The following MICU3 variants were observed in gnomAD, a reference collection of about 807,000 sequenced individuals.
MICU3 encodes mitochondrial calcium uptake 3.
MICU3 carries 62 observed loss-of-function variants against 66.5 expected under a neutral mutation model. The ratio of observed to expected loss-of-function variants is 0.93; its 90% CI spans 0.76 to 1.15. The LOEUF (loss-of-function observed/expected upper bound fraction) is 1.15, where lower values mean the gene tolerates loss of function less well. Ranked by LOEUF, MICU3 falls within the 50% of genes most tolerant of loss-of-function variation. The pLI is 0.00. For synonymous variants in MICU3, 308 were observed against 240.7 expected, an observed-to-expected ratio of 1.28 and a Z score of -2.59; for missense variants, 779 against 664.4, an observed-to-expected ratio of 1.17 and a Z score of -1.90.
chr8:17,137,208 C>T, the MICU3 span, among the ~76,000 whole-genome samples: 1 of 151,830 alleles, frequency 6.6e-6, no homozygotes, highest in Non-Finnish European at 1.5e-5. Flanking sequence ...GCCTATGTAC[C>T]CCTATCTAAG....
At chr8:17,113,442 T>C (rs1802389612) in intron 11 of MICU3, among the ~76,000 whole-genome samples, 1 of 152,230 alleles carries the variant, frequency 6.6e-6, no homozygotes, top group Admixed American at 6.5e-5. Context: ...TTTATACACA[T>C]GACATTCCAG....
At chr8:17,123,780 T>C (rs574809800), downstream of MICU3, among the ~76,000 whole-genome samples, 21 of 152,212 alleles carry the variant, frequency 1.4e-4, no homozygotes, top group South Asian at 4.1e-3. Flanking sequence ...GGTCCACTTA[T>C]GTTTATATGA....
At chr8:17,106,332 T>C (rs1801731951) in intron 11 of MICU3, among the ~76,000 whole-genome samples, 1 of 151,892 alleles carries the variant, frequency 6.6e-6, no homozygotes, top group Admixed American at 6.6e-5. Flanking sequence ...CAATTTTCCA[T>C]TTCCCCTAAG....
At chr8:17,135,814 A>C in the MICU3 span, among the ~76,000 whole-genome samples, 2 of 152,118 alleles carry the variant, frequency 1.3e-5, no homozygotes, top group African/African-American at 4.8e-5. Context: ...AATCATCTCA[A>C]ATGCCTTTCA....
downstream of MICU3, among the ~76,000 whole-genome samples, chr8:17,125,952 C>T (rs1803394067): frequency 6.6e-6 from 1 of 151,086 alleles, no homozygotes; most frequent in African/African-American, 2.4e-5. Flanking sequence ...ATCACTTGAA[C>T]CTGGGAGGTG....
Position 17,027,314 on chromosome 8 carries a change from C to A in MICU3, c.35C>A (p.Pro12His). The A allele has an allele frequency of 6.6e-7, 1 of 1,507,354 alleles. No homozygotes were observed. 93.4% of individuals were successfully genotyped at this position (1,507,354 alleles called of 1,614,324 possible). ...CTGCGAAGGCTCTTGTGGCCGCCACCCCGGGTGTCTCCTCCACTCTGCGCT... is the reference window on the plus strand; with the variant it reads ...CTGCGAAGGCTCTTGTGGCCGCCACACCGGGTGTCTCCTCCACTCTGCGCT... The part of the protein sequence containing the change: ...AALRRLLWPP[P>H]RVSPPLCAHQ... Residue 12 changes from proline to histidine, a missense_variant, in exon 1 of 15, where the codon CCC becomes CAC. Coordinates refer to ENST00000318063, the MANE Select transcript of MICU3 (RefSeq NM_181723.3).
At chr8:17,083,613 A>C (rs1454347752) in intron 5 of MICU3, among the ~76,000 whole-genome samples, 5 of 152,110 alleles carry the variant, frequency 3.3e-5, no homozygotes, top group Non-Finnish European at 5.9e-5. Context: ...TCTCCATTAT[A>C]ATTTTGCAAT....
intron 1 of MICU3, among the ~76,000 whole-genome samples, chr8:17,045,655 T>C (rs1458062539): frequency 6.6e-6 from 1 of 152,192 alleles, no homozygotes; most frequent in Non-Finnish European, 1.5e-5. Context: ...CCATACTCTA[T>C]CCTACACATC....
At chr8:17,089,009 C>T (rs1230159518) in intron 7 of MICU3, among the ~76,000 whole-genome samples, 1 of 151,784 alleles carries the variant, frequency 6.6e-6, no homozygotes, top group African/African-American at 2.4e-5. Flanking sequence ...GAACCATTCC[C>T]TTTCAAATAT....
intron 1 of MICU3, among the ~76,000 whole-genome samples, chr8:17,048,145 C>T (rs548790414): frequency 2.2e-4 from 33 of 151,912 alleles, no homozygotes; most frequent in East Asian, 5.8e-4. Flanking sequence ...TTTCGATGTT[C>T]GAAACAAGAT....
chr8:17,038,281 T>G (rs1326161032), intron 1 of MICU3, among the ~76,000 whole-genome samples: 1 of 152,112 alleles, frequency 6.6e-6, no homozygotes, highest in African/African-American at 2.4e-5. Flanking sequence ...GGGAGATAAT[T>G]GAATCGTGGG....
intron 6 of MICU3, 103 bp from the exon 7 acceptor site, chr8:17,086,861 G>T (rs1799527195): frequency 1.4e-6 from 1 of 704,950 alleles, no homozygotes; most frequent in Non-Finnish European, 2.5e-6. Flanking sequence ...CTTGGTGGAT[G>T]AAGCTGTTTT....
chr8:17,117,900 T>C (rs1017682127), intron 13 of MICU3, among the ~76,000 whole-genome samples: 5 of 152,176 alleles, frequency 3.3e-5, no homozygotes, highest in African/African-American at 1.2e-4. Flanking sequence ...TGAGCCACCG[T>C]ACCCGGCCAG....
At chr8:17,131,217 C>G in the MICU3 span, 3 of 152,204 alleles carry the variant, frequency 2.0e-5, no homozygotes, top group Non-Finnish European at 4.4e-5. Flanking sequence ...GTATCAGGAG[C>G]AACCGTTATG....
chr8:17,096,148 C>T lies in MICU3; in HGVS notation c.889-2310C>T, dbSNP rs536985547. ...CCGAGAAAACTTCAGGAAGTCTTTG[C>T]GTATTGGTCTACTATTTACATATCA... On this transcript the variant is annotated intron_variant, in intron 8 of 14. Coordinates refer to ENST00000318063, the MANE Select transcript of MICU3 (RefSeq NM_181723.3). Among the ~76,000 whole-genome samples the T allele has an allele frequency of 4.3e-4, 65 of 151,980 alleles. 1 individual carries two copies. The highest frequency in any genetic ancestry group is 1.4e-3 in the African/African-American group (60 of 41,508).
At chr8:17,047,447 C>A (rs1316421370) in intron 1 of MICU3, among the ~76,000 whole-genome samples, 2 of 152,212 alleles carry the variant, frequency 1.3e-5, no homozygotes, top group South Asian at 4.2e-4. Context: ...GGCAGTATCC[C>A]AAGAGATAAT....
intron 1 of MICU3, among the ~76,000 whole-genome samples, chr8:17,030,090 A>G (rs1054540144): frequency 1.3e-5 from 2 of 152,046 alleles, no homozygotes; most frequent in African/African-American, 4.8e-5. Flanking sequence ...GAGTTATAGC[A>G]TTCTATTTTG....
At chr8:17,101,992 A>T (rs1275565537) in intron 9 of MICU3, among the ~76,000 whole-genome samples, 1 of 152,018 alleles carries the variant, frequency 6.6e-6, no homozygotes, top group East Asian at 1.9e-4. Flanking sequence ...GATAGATACT[A>T]TTATTATTCC....
chr8:17,133,294 A>G, the MICU3 span, among the ~76,000 whole-genome samples: 12 of 152,206 alleles, frequency 7.9e-5, no homozygotes, highest in African/African-American at 2.9e-4. Context: ...TATTAACAGA[A>G]GCTAGAAATA....
Sources: gnomAD v4.1 joint callset for allele counts (sites outside exome capture counted in the v4.1 genomes callset) on GRCh38, gnomAD v4.1.1 for gene constraint, MANE v1.5 for transcripts, NCBI Gene and HGNC (gene_info 2026-07-23, HGNC 2026-07-21) for gene names.